RUNX3: variants seen among roughly 807,000 people sequenced by gnomAD.
RUNX3 encodes RUNX family transcription factor 3, also known as runt-related transcription factor 3.
Under a neutral mutation model 27.7 loss-of-function variants are expected in RUNX3, and 10 were observed. The observed-to-expected ratio is 0.36, with a 90% CI of 0.22 to 0.61. The LOEUF is 0.61. Ranked by LOEUF, RUNX3 falls within the 20% of genes least tolerant of loss-of-function variation. The pLI is 0.72. For missense variants in RUNX3, 469 were observed against 629.5 expected, an observed-to-expected ratio of 0.75 and a Z score of 2.73; for synonymous variants, 270 against 269.2, an observed-to-expected ratio of 1.00 and a Z score of -0.03.
chr1:24,902,398 C>T lies in RUNX3; in HGVS notation c.972G>A (p.Gln324=). The T allele has an allele frequency of 6.2e-7, 1 of 1,612,808 alleles. No homozygotes were observed. Among genetic ancestry groups the T allele is most frequent in the Non-Finnish European group, 8.5e-7 (1 of 1,179,856 alleles). ...GAPQNQSGPF[Q]ANPSPYHLYY... ...AGAGGTGGTAGGGGGACGGGTTGGCCTGGAAGGGCCCGCTCTGGTTCTGCG... is the reference window on the plus strand; with the variant it reads ...AGAGGTGGTAGGGGGACGGGTTGGCTTGGAAGGGCCCGCTCTGGTTCTGCG... Residue 324 remains glutamine, a synonymous_variant, in exon 5 of 5, where the codon CAG becomes CAA. Transcript: ENST00000308873. This position sits in a 1 kb window ranked among gnomAD's most constrained non-coding sequence, Gnocchi z 9.2.
At chr1:24,957,484 G>A (rs967675666) in intron 2 of RUNX3, among the ~76,000 whole-genome samples, 3 of 152,220 alleles carry the variant, frequency 2.0e-5, no homozygotes, top group Non-Finnish European at 4.4e-5. Flanking sequence ...TGTGGGGTGA[G>A]TAGTGAGGGG....
intron 2 of RUNX3, among the ~76,000 whole-genome samples, chr1:24,948,493 C>T (rs1420325175): frequency 6.6e-6 from 1 of 152,136 alleles, no homozygotes; most frequent in African/African-American, 2.4e-5. Flanking sequence ...TACCAGAAAC[C>T]CTCAGATGGT....
In RUNX3 at chr1:24,943,875, G is replaced by A. The variant is rs528303658; in HGVS notation, c.59-14023C>T. 4.6e-5 allele frequency among the ~76,000 whole-genome samples: 7 copies of A among 152,310 alleles called. No individual in the cohort carries two copies. The highest frequency in any genetic ancestry group is 1.9e-4 in the East Asian group (1 of 5,186). On this transcript the variant is annotated intron_variant, in intron 2 of 6. Transcript: ENST00000338888. The surrounding 1 kb of genome is among the most constrained non-coding windows in gnomAD (Gnocchi z 4.6). ...TTTGAACATCTAACCTGAATCCCTC[G>A]TTTGCAGGGAAAGCCTCTTCCTTCT...
chr1:24,930,279 G>A (rs1410851414), upstream of RUNX3: 1 of 980,272 alleles, frequency 1.0e-6, no homozygotes, highest in Non-Finnish European at 1.2e-6. This position sits in a 1 kb window ranked among gnomAD's most constrained non-coding sequence, Gnocchi z 4.1. Context: ...CAAGTGGCGG[G>A]GCCGCGGCCG....
chr1:24,926,341 C>T (rs1249512799), intron 2 of RUNX3, among the ~76,000 whole-genome samples: 1 of 152,220 alleles, frequency 6.6e-6, no homozygotes, highest in African/African-American at 2.4e-5. Flanking sequence ...CAAACATTTT[C>T]CATCCATCAA....
rs1640567777 is a variant in RUNX3 at position 24,902,190 on chromosome 1, G to A, written c.1180C>T (p.His394Tyr). 1 of 1,568,394 alleles carries A rather than the reference G, an allele frequency of 6.4e-7. No individual in the cohort carries two copies. The highest frequency in any genetic ancestry group is 8.6e-7 in the Non-Finnish European group (1 of 1,158,600). Residue 394 changes from histidine to tyrosine, a missense_variant, in exon 5 of 5, where the codon CAC (histidine) becomes TAC (tyrosine). Physicochemically the swap from His to Tyr is moderately conservative, Grantham distance 83 (BLOSUM62 2). Transcript: ENST00000308873. This position sits in a 1 kb window ranked among gnomAD's most constrained non-coding sequence, Gnocchi z 9.2. The stretch of plus-strand genomic sequence containing the variant: ...CTCAGGGCCGTGGGTGAGTTGCTGT[G>A]GCTGCCGTCGGCCTCCACGCCATCA... ...QSDGVEADGSHSNSPTALSTP... is the reference protein window; with the variant it reads ...QSDGVEADGSYSNSPTALSTP...
At chr1:24,942,058 C>T (rs1400368904) in intron 2 of RUNX3, among the ~76,000 whole-genome samples, 1 of 152,202 alleles carries the variant, frequency 6.6e-6, no homozygotes, top group Non-Finnish European at 1.5e-5. Context: ...TCCAGGGTGG[C>T]TGGATGATCT....
In RUNX3 at chr1:24,943,457, G is replaced by A. The variant is rs1413657901; in HGVS notation, c.59-13605C>T. Among the ~76,000 whole-genome samples the A allele has an allele frequency of 6.6e-6, 1 of 152,198 alleles. No individual in the cohort carries two copies. Among genetic ancestry groups the A allele is most frequent in the Non-Finnish European group, 1.5e-5 (1 of 68,020 alleles). On this transcript the variant is annotated intron_variant, in intron 2 of 6. Transcript: ENST00000338888. The surrounding 1 kb of genome is among the most constrained non-coding windows in gnomAD (Gnocchi z 4.6). ...TCACACAGCTTAACTCTTCATCCTT[G>A]CTCCATCCTAAGAGGGGGTTCTGTG...
Position 24,964,188 on chromosome 1 carries a change from T to A in RUNX3, c.58+326A>T, listed in dbSNP as rs534002793. Reference sequence around the variant, plus strand: ...GCTGGGGCTGCAGGCCCTGGGGCCCTGTTAGTGAAGCAGCAAGCCGAGGGT... The same window carrying A: ...GCTGGGGCTGCAGGCCCTGGGGCCCAGTTAGTGAAGCAGCAAGCCGAGGGT... On this transcript the variant is annotated intron_variant, in intron 2 of 6. Coordinates refer to the RUNX3 transcript ENST00000338888. Among the ~76,000 whole-genome samples the A allele has an allele frequency of 2.4e-3, 363 of 152,264 alleles. 3 individuals are homozygous for A. Among genetic ancestry groups the A allele is most frequent in the African/African-American group, 8.4e-3 (348 of 41,554 alleles).
At chr1:24,964,523 A>G in exon 2 of RUNX3, 1 of 1,611,012 alleles carries the variant, frequency 6.2e-7, no homozygotes, top group Non-Finnish European at 8.5e-7. Flanking sequence ...CCGCGGATGA[A>G]GGTCGGCGAG....
Position 24,927,514 on chromosome 1 carries a change from C to A in RUNX3, c.439+60G>T. Reference sequence around the variant, plus strand: ...GATTCTAAGGCCCCTCTTTCAACCTCCTTCCCTGCTGCCCCTGCCATTGCC... The same window carrying A: ...GATTCTAAGGCCCCTCTTTCAACCTACTTCCCTGCTGCCCCTGCCATTGCC... On this transcript the variant is annotated intron_variant, in intron 2 of 4. Transcript: ENST00000308873. The surrounding 1 kb of genome is among the most constrained non-coding windows in gnomAD (Gnocchi z 5.0). 6.4e-7 allele frequency: 1 copy of A among 1,572,688 alleles called. No homozygotes were observed. The highest frequency in any genetic ancestry group is 1.1e-5 in the South Asian group (1 of 89,888).
rs1169229467 is a variant in RUNX3, at chr1:24,923,448, A to C, written c.440-4104T>G. ...ATAACTCTGTGCAGGAGTCCCAGGC[A>C]AACCTGCAATCCATCAGGAGCCCAG... On this transcript the variant is annotated intron_variant, in intron 2 of 4. Transcript: ENST00000308873. The surrounding 1 kb of genome is among the most constrained non-coding windows in gnomAD (Gnocchi z 5.9). Among the ~76,000 whole-genome samples the C allele has an allele frequency of 3.3e-5, 5 of 152,166 alleles. No homozygotes were observed. Among genetic ancestry groups the C allele is most frequent in the Non-Finnish European group, 7.4e-5 (5 of 68,020 alleles).
At chr1:24,950,053 G>A (rs988172054) in intron 2 of RUNX3, among the ~76,000 whole-genome samples, 4 of 152,246 alleles carry the variant, frequency 2.6e-5, no homozygotes, top group Admixed American at 1.3e-4. Context: ...CCCGATGCCT[G>A]CACTGTATTT....
chr1:24,946,206 G>A (rs1162842721), intron 2 of RUNX3, among the ~76,000 whole-genome samples: 1 of 151,912 alleles, frequency 6.6e-6, no homozygotes, highest in Admixed American at 6.5e-5. Flanking sequence ...ATTTTTTTCT[G>A]ATTATAAAAA....
At chr1:24,922,749 G>A (rs1399493240) in intron 2 of RUNX3, among the ~76,000 whole-genome samples, 4 of 147,850 alleles carry the variant, frequency 2.7e-5, no homozygotes, top group East Asian at 3.9e-4. Context: ...AAAGGTGTGC[G>A]GGCTTCACCA....
intron 2 of RUNX3, among the ~76,000 whole-genome samples, chr1:24,942,291 G>T (rs1392415419): frequency 6.6e-6 from 1 of 152,206 alleles, no homozygotes; most frequent in African/African-American, 2.4e-5. Flanking sequence ...GCTATTTTAG[G>T]TGCTGGGGAT....
chr1:24,956,647 C>T (rs1439843639), intron 2 of RUNX3, among the ~76,000 whole-genome samples: 7 of 152,164 alleles, frequency 4.6e-5, no homozygotes, highest in Non-Finnish European at 8.8e-5. Context: ...CAGCAGGCCT[C>T]CCCTCCTGCC....
In RUNX3 at chr1:24,926,021, C is replaced by G. The variant is rs1437172653; in HGVS notation, c.439+1553G>C. Among the ~76,000 whole-genome samples the G allele has an allele frequency of 2.6e-5, 4 of 152,304 alleles. No individual in the cohort carries two copies. The South Asian group carries it at 8.3e-4, about 32-fold the overall frequency. On this transcript the variant is annotated intron_variant, in intron 2 of 4. Coordinates refer to ENST00000308873, the MANE Select transcript of RUNX3 (RefSeq NM_004350.3). ...ATCGTCGTCTCTTCTCTTTCTCTCG[C>G]TTCCCAGGAGAGAGAGTGGGAAGGG...
rs1026089971 is a variant in RUNX3 at position 24,923,055 on chromosome 1, G to A, written c.440-3711C>T. On this transcript the variant is annotated intron_variant, in intron 2 of 4. Transcript: ENST00000308873. The surrounding 1 kb of genome is among the most constrained non-coding windows in gnomAD (Gnocchi z 5.9). ...ACAACATTTGTTAAATAAATTAAGG[G>A]CAGAGATAATGGCTCCCATTTTGCA... Among the ~76,000 whole-genome samples the A allele has an allele frequency of 1.3e-5, 2 of 152,128 alleles. No homozygotes were observed. The highest frequency in any genetic ancestry group is 2.9e-5 in the Non-Finnish European group (2 of 68,026).
Sources: gnomAD v4.1 joint callset for allele counts (sites outside exome capture counted in the v4.1 genomes callset) on GRCh38, gnomAD v4.1.1 for gene constraint, Gnocchi (gnomAD v3.1) non-coding constraint, MANE v1.5 for transcripts, NCBI Gene and HGNC (gene_info 2026-07-23, HGNC 2026-07-21) for gene names.